Variants in DEFB121 observed in about 807,000 individuals in gnomAD.
DEFB121 encodes the protein beta-defensin 121.
Under a neutral mutation model 2.5 loss-of-function variants are expected in DEFB121, and 5 were observed. That is an observed-to-expected ratio of 1.96 (90% CI 1.03 to 4.13). The LOEUF (loss-of-function observed/expected upper bound fraction) is 4.13, where lower values mean the gene tolerates loss of function less well. DEFB121 is among the 30% of genes most tolerant of loss of function. The probability of loss-of-function intolerance (pLI) is 0.00; values close to 1 mark genes in which losing one functional copy is unlikely to be tolerated. For missense variants in DEFB121, 87 were observed against 85.0 expected (o/e 1.02, Z -0.09); for synonymous variants, 39 against 32.6 (o/e 1.20, Z -0.67).
chr20:31,412,607 A>G, intron 1 of DEFB121: 2 of 1,290,806 alleles, frequency 1.5e-6, no homozygotes, highest in Non-Finnish European at 2.0e-6. Context: ...ACTGTTATTT[A>G]CTATGAATCC....
At chr20:31,409,769 A>G (rs1458588310), upstream of DEFB121, among the ~76,000 whole-genome samples, 2 of 152,194 alleles carry the variant, frequency 1.3e-5, no homozygotes, top group Non-Finnish European at 2.9e-5. Flanking sequence ...AATAAAAATA[A>G]TAATAAACAT....
chr20:31,413,051 T>C (rs187219108), upstream of DEFB121, among the ~76,000 whole-genome samples: 3 of 152,352 alleles, frequency 2.0e-5, no homozygotes, highest in East Asian at 3.9e-4. Context: ...TGTTCATTTG[T>C]CTTCTTGTCC....
chr20:31,409,091 T>A (rs1050117470), upstream of DEFB121, among the ~76,000 whole-genome samples: 1 of 151,932 alleles, frequency 6.6e-6, no homozygotes, highest in Non-Finnish European at 1.5e-5. Flanking sequence ...CCAGCCTGGA[T>A]GACATAGCAA....
At chr20:31,410,163 G>A (rs927610711), upstream of DEFB121, among the ~76,000 whole-genome samples, 1 of 152,142 alleles carries the variant, frequency 6.6e-6, no homozygotes, top group Non-Finnish European at 1.5e-5. Flanking sequence ...CATATACCAT[G>A]GAATACTATG....
upstream of DEFB121, among the ~76,000 whole-genome samples, chr20:31,414,557 A>G (rs1184055086): frequency 6.6e-6 from 1 of 152,234 alleles, no homozygotes; most frequent in Non-Finnish European, 1.5e-5. Context: ...GATGACGTGA[A>G]TGAGCCTTGA....
chr20:31,410,669 G>A (rs1171859629), upstream of DEFB121, among the ~76,000 whole-genome samples: 2 of 152,086 alleles, frequency 1.3e-5, no homozygotes, highest in Non-Finnish European at 2.9e-5. Flanking sequence ...TATCAGCCCC[G>A]TGGACTGGAA....
chr20:31,409,677 G>T (rs1021742395), upstream of DEFB121, among the ~76,000 whole-genome samples: 2 of 152,108 alleles, frequency 1.3e-5, no homozygotes, highest in Non-Finnish European at 1.5e-5. Context: ...GGAGGCGGAG[G>T]TTGCAGTGAA....
chr20:31,417,983 G>A, the DEFB121 span, among the ~76,000 whole-genome samples: 3 of 151,192 alleles, frequency 2.0e-5, no homozygotes, highest in Admixed American at 6.6e-5. Flanking sequence ...GAAAAAGGCC[G>A]GGCGCGGTGG....
upstream of DEFB121, among the ~76,000 whole-genome samples, chr20:31,410,134 A>G (rs918972703): frequency 2.0e-5 from 3 of 152,254 alleles, no homozygotes; most frequent in African/African-American, 7.2e-5. Context: ...TAAAATATAT[A>G]CACATTTAAT....
At chr20:31,409,735 G>A (rs370054538), upstream of DEFB121, among the ~76,000 whole-genome samples, 2 of 152,060 alleles carry the variant, frequency 1.3e-5, no homozygotes, top group African/African-American at 4.8e-5. Context: ...CAACAAGAGC[G>A]AAACACTGTC....
At chr20:31,417,871 G>A in the DEFB121 span, among the ~76,000 whole-genome samples, 1 of 152,112 alleles carries the variant, frequency 6.6e-6, no homozygotes, top group Non-Finnish European at 1.5e-5. Flanking sequence ...GTTGAGGCAG[G>A]AGAATTGCTT....
At chr20:31,414,739 TTC>T (rs1978756619), upstream of DEFB121, among the ~76,000 whole-genome samples, 1 of 152,084 alleles carries the variant, frequency 6.6e-6, no homozygotes, top group Non-Finnish European at 1.5e-5. Context: ...AGCAGAAAGT[TTC>T]TGTTAAGCAA....
upstream of DEFB121, among the ~76,000 whole-genome samples, chr20:31,416,124 G>A (rs1162948907): frequency 1.3e-5 from 2 of 151,990 alleles, no homozygotes; most frequent in Non-Finnish European, 2.9e-5. Flanking sequence ...TCAGTGGCAC[G>A]ATCTCGGCTC....
chr20:31,416,054 T>TTTTGTTTGTTTGTTTG (rs58327582), upstream of DEFB121, among the ~76,000 whole-genome samples: 1,266 of 150,970 alleles, frequency 8.4e-3, 6 homozygotes, highest in Non-Finnish European at 8.5e-3. Context: ...CTTCCCACTT[T>TTTTGTTTGTTTGTTTG]TTTGTTTGTT....
At chr20:31,411,715 G>A (rs1446726322) in intron 1 of DEFB121, among the ~76,000 whole-genome samples, 1 of 152,216 alleles carries the variant, frequency 6.6e-6, no homozygotes, top group Non-Finnish European at 1.5e-5. Context: ...AGAAAGGTTG[G>A]TACTGATGAG....
At chr20:31,407,743 T>C (rs1001033506), upstream of DEFB121, among the ~76,000 whole-genome samples, 1 of 152,180 alleles carries the variant, frequency 6.6e-6, no homozygotes, top group African/African-American at 2.4e-5. Flanking sequence ...GCCAAGTGCT[T>C]TTTAGGACAA....
At chr20:31,409,753 A>G (rs1041664980), upstream of DEFB121, among the ~76,000 whole-genome samples, 2 of 152,216 alleles carry the variant, frequency 1.3e-5, no homozygotes, top group African/African-American at 4.8e-5. Context: ...GTCTCAAAAG[A>G]ATAATAATAA....
At chr20:31,410,931 A>G (rs1335765579), upstream of DEFB121, among the ~76,000 whole-genome samples, 2 of 150,696 alleles carry the variant, frequency 1.3e-5, no homozygotes, top group African/African-American at 2.4e-5. Flanking sequence ...CATCCAAGGA[A>G]CCCCCAGTGG....
chr20:31,410,856 A>AGAGAGAGAGAGAGAGAGAGAG (rs1568740216), upstream of DEFB121, among the ~76,000 whole-genome samples: 17 of 122,176 alleles, frequency 1.4e-4, no homozygotes, highest in African/African-American at 5.7e-4. Context: ...GAGAGAGAGA[A>AGAGAGAGAGAGAGAGAGAGAG]AGAGAGCAAC....
Sources: gnomAD v4.1 joint callset for allele counts (sites outside exome capture counted in the v4.1 genomes callset) on GRCh38, gnomAD v4.1.1 for gene constraint, MANE v1.5 for transcripts, NCBI Gene and HGNC (gene_info 2026-07-23, HGNC 2026-07-21) for gene names.